The following SHISA9 variants were observed in gnomAD, a reference collection of about 807,000 sequenced individuals.
The protein encoded by SHISA9 is shisa family member 9.
A neutral mutation model predicts 38.0 loss-of-function variants in SHISA9; 13 were observed. That is an observed-to-expected ratio of 0.34 (90% CI 0.22 to 0.54). The LOEUF is 0.54. Ranked by LOEUF, SHISA9 falls within the 20% of genes least tolerant of loss-of-function variation. SHISA9 has a pLI of 0.91. For synonymous variants in SHISA9, 275 were observed against 242.0 expected, an observed-to-expected ratio of 1.14 and a Z score of -1.27; for missense variants, 538 against 575.8, an observed-to-expected ratio of 0.93 and a Z score of 0.67.
intron 2 of SHISA9, among the ~76,000 whole-genome samples, chr16:13,006,639 G>A (rs920775318): frequency 2.0e-5 from 3 of 152,218 alleles, no homozygotes; most frequent in African/African-American, 7.2e-5. Context: ...GGATGGACAA[G>A]TTAGCGAAGA....
the SHISA9 span, among the ~76,000 whole-genome samples, chr16:13,438,350 A>G: frequency 6.6e-6 from 1 of 152,066 alleles, no homozygotes; most frequent in Non-Finnish European, 1.5e-5. Flanking sequence ...CAGTTCCCCA[A>G]TACCCATCAT....
the SHISA9 span, among the ~76,000 whole-genome samples, chr16:13,283,745 T>C: frequency 6.6e-6 from 1 of 151,968 alleles, no homozygotes; most frequent in Non-Finnish European, 1.5e-5. Flanking sequence ...GTCTTTATTC[T>C]AAAATGAGGA....
intron 2 of SHISA9, among the ~76,000 whole-genome samples, chr16:13,191,528 C>A (rs1197603435): frequency 6.6e-6 from 1 of 152,164 alleles, no homozygotes; most frequent in Non-Finnish European, 1.5e-5. Context: ...TGTATTTGAA[C>A]CTCACAGTGA....
chr16:13,519,791 G>T, the SHISA9 span, among the ~76,000 whole-genome samples: 1 of 152,094 alleles, frequency 6.6e-6, no homozygotes, highest in East Asian at 1.9e-4. Context: ...GAAACCATCA[G>T]ATTTTGTGAG....
the SHISA9 span, among the ~76,000 whole-genome samples, chr16:13,318,223 T>C: frequency 6.6e-6 from 1 of 152,216 alleles, no homozygotes; most frequent in African/African-American, 2.4e-5. Flanking sequence ...GGAGGAGCCA[T>C]CCTGTGCATT....
intron 2 of SHISA9, among the ~76,000 whole-genome samples, chr16:13,185,342 C>T (rs2050811165): frequency 1.3e-5 from 2 of 152,094 alleles, no homozygotes; most frequent in South Asian, 2.1e-4. Context: ...GCTGGGCCTA[C>T]AGGGACATGA....
At chr16:13,523,710 G>A in the SHISA9 span, among the ~76,000 whole-genome samples, 3 of 152,296 alleles carry the variant, frequency 2.0e-5, no homozygotes, top group South Asian at 4.1e-4. Flanking sequence ...ATAGTGCTAA[G>A]CCATTTATGA....
the SHISA9 span, among the ~76,000 whole-genome samples, chr16:13,410,549 G>A: frequency 5.3e-5 from 8 of 152,028 alleles, no homozygotes; most frequent in Non-Finnish European, 1.0e-4. Context: ...AATTAAAGAC[G>A]GTGCTAATTA....
At chr16:13,210,017 C>T (rs1411239660) in intron 3 of SHISA9, among the ~76,000 whole-genome samples, 3 of 152,082 alleles carry the variant, frequency 2.0e-5, no homozygotes, top group East Asian at 1.9e-4. Flanking sequence ...AGGAGAATGG[C>T]GTGAACCCGG....
chr16:13,414,896 G>A, the SHISA9 span, among the ~76,000 whole-genome samples: 1 of 152,152 alleles, frequency 6.6e-6, no homozygotes, highest in African/African-American at 2.4e-5. Flanking sequence ...GCCTCCCAAA[G>A]TGCTGGGATT....
At chr16:13,006,362 T>C (rs2072598127) in intron 2 of SHISA9, among the ~76,000 whole-genome samples, 1 of 151,730 alleles carries the variant, frequency 6.6e-6, no homozygotes, top group Admixed American at 6.6e-5. Flanking sequence ...AGGAGAAGGG[T>C]CTCCATCCAC....
chr16:13,223,178 G>A (rs2051245823), intron 4 of SHISA9, among the ~76,000 whole-genome samples: 1 of 152,168 alleles, frequency 6.6e-6, no homozygotes, highest in African/African-American at 2.4e-5. Context: ...TGTAATCCCA[G>A]TACTTTGGGA....
At chr16:13,384,821 G>A in the SHISA9 span, among the ~76,000 whole-genome samples, 30 of 152,208 alleles carry the variant, frequency 2.0e-4, no homozygotes, top group African/African-American at 7.0e-4. Flanking sequence ...AAAAGTTTGA[G>A]GGTAAATCCA....
At chr16:13,403,111 C>CAAA in the SHISA9 span, among the ~76,000 whole-genome samples, 1 of 145,128 alleles carries the variant, frequency 6.9e-6, no homozygotes, top group Non-Finnish European at 1.5e-5. Flanking sequence ...CTCAAAAACA[C>CAAA]AAAAAAAAAA....
chr16:13,388,897 G>T, the SHISA9 span, among the ~76,000 whole-genome samples: 364 of 152,244 alleles, frequency 2.4e-3, 3 homozygotes, highest in African/African-American at 8.3e-3. Context: ...TTAATACAGA[G>T]AACCTTTGTA....
At chr16:12,912,290 G>A (rs1395090196) in intron 1 of SHISA9, among the ~76,000 whole-genome samples, 1 of 152,322 alleles carries the variant, frequency 6.6e-6, no homozygotes, top group East Asian at 1.9e-4. Context: ...GGGGAAAAGT[G>A]TCCTTGGACT....
chr16:13,174,415 G>T (rs569524555), intron 2 of SHISA9, among the ~76,000 whole-genome samples: 3 of 152,184 alleles, frequency 2.0e-5, no homozygotes, highest in Admixed American at 1.3e-4. Context: ...ACTGTCTCTT[G>T]GGAGTTAAGG....
intron 2 of SHISA9, among the ~76,000 whole-genome samples, chr16:13,068,876 T>TGC (rs1424097083): frequency 1.3e-5 from 2 of 152,154 alleles, no homozygotes; most frequent in African/African-American, 4.8e-5. Context: ...TGTGTGTATG[T>TGC]GTATTCATGT....
intron 2 of SHISA9, among the ~76,000 whole-genome samples, chr16:12,970,360 TATATATATAC>T (rs1268589817): frequency 5.5e-5 from 4 of 73,072 alleles, no homozygotes; most frequent in African/African-American, 9.1e-5. Context: ...TGTGTATATA[TATATATATAC>T]ATATATATAT....
Sources: allele counts gnomAD v4.1 joint callset (sites outside exome capture counted in the v4.1 genomes callset), GRCh38; gene constraint gnomAD v4.1.1; transcripts MANE v1.5; gene names NCBI Gene and HGNC (gene_info 2026-07-23, HGNC 2026-07-21).